Variants in MUSK observed in about 807,000 individuals in gnomAD.
MUSK encodes the protein muscle associated receptor tyrosine kinase.
Under a neutral mutation model 88.7 loss-of-function variants are expected in MUSK, and 55 were observed. The observed-to-expected ratio is 0.62, with a 90% CI of 0.50 to 0.78. The LOEUF is 0.78. Among genes scored for constraint, MUSK ranks in the 30% least tolerant of loss-of-function variants. The pLI, the probability that MUSK is intolerant of heterozygous loss-of-function variation, is 0.00. For missense variants in MUSK, 1,015 were observed against 1,074.3 expected (o/e 0.94, Z 0.77); for synonymous variants, 387 against 391.9 (o/e 0.99, Z 0.15).
At chr9:110,755,979 C>CATATATATAT (rs61338385) in intron 7 of MUSK, among the ~76,000 whole-genome samples, 1 of 102,518 alleles carries the variant, frequency 9.8e-6, no homozygotes, top group Non-Finnish European at 2.0e-5. Context: ...TATATATATA[C>CATATATATAT]ATATATATAT....
chr9:110,798,540 T>A (rs972375589), intron 14 of MUSK, among the ~76,000 whole-genome samples: 55 of 152,146 alleles, frequency 3.6e-4, no homozygotes, highest in Non-Finnish European at 6.5e-4. Flanking sequence ...AGGCATGAGG[T>A]TTTCTTATGC....
chr9:110,755,440 C>T (rs34115436), intron 7 of MUSK, among the ~76,000 whole-genome samples: 110,328 of 152,008 alleles, frequency 0.73, 40,489 homozygotes, highest in Non-Finnish European at 0.78. Context: ...CAATTTAAAC[C>T]TGACAGGTAC....
Position 110,697,332 on chromosome 9 carries a change from C to T in MUSK, c.494C>T (p.Ser165Phe), listed in dbSNP as rs1349731741. 1 of 1,612,130 alleles carries T rather than the reference C, an allele frequency of 6.2e-7. No individual in the cohort carries two copies. The highest frequency in any genetic ancestry group is 2.2e-5 in the East Asian group (1 of 44,822). Residue 165 changes from serine (S) to phenylalanine (F), a missense_variant, in exon 5 of 15, where the codon TCC becomes TTC. By Grantham distance (155) the Ser-to-Phe change is radical. Transcript: ENST00000374448. Reference protein sequence around the residue: ...IKGDSPLRENSRIAVLESGSL... With the variant: ...IKGDSPLRENFRIAVLESGSL... ...CGTCCCTATCTCTGGCAGGAAAATTCCCGAATTGCAGTTCTTGAATCTGGG... is the reference window on the plus strand; with the variant it reads ...CGTCCCTATCTCTGGCAGGAAAATTTCCGAATTGCAGTTCTTGAATCTGGG...
At chr9:110,779,241 G>A (rs1452497309) in intron 11 of MUSK, among the ~76,000 whole-genome samples, 1 of 152,042 alleles carries the variant, frequency 6.6e-6, no homozygotes, top group Non-Finnish European at 1.5e-5. Context: ...CTTTTCTAGA[G>A]CATCTCTGAC....
intron 7 of MUSK, among the ~76,000 whole-genome samples, chr9:110,755,981 T>TATATATAC (rs2077316726): frequency 9.2e-6 from 1 of 108,112 alleles, no homozygotes; most frequent in African/African-American, 3.3e-5. Context: ...TATATATACA[T>TATATATAC]ATATATATAT....
At chr9:110,745,274 GTGTT>G (rs2077160477) in intron 6 of MUSK, among the ~76,000 whole-genome samples, 1 of 152,152 alleles carries the variant, frequency 6.6e-6, no homozygotes, top group South Asian at 2.1e-4. Flanking sequence ...CCTTGAGGAG[GTGTT>G]TAAGAATGAC....
At chr9:110,678,652 C>T (rs1471417878) in intron 1 of MUSK, among the ~76,000 whole-genome samples, 2 of 151,940 alleles carry the variant, frequency 1.3e-5, no homozygotes, top group South Asian at 2.1e-4. Flanking sequence ...TTTAGATTTT[C>T]ATCTTTAAAT....
At chr9:110,726,762 T>TTTTGC (rs2076889833) in intron 5 of MUSK, among the ~76,000 whole-genome samples, 1 of 151,920 alleles carries the variant, frequency 6.6e-6, no homozygotes, top group Non-Finnish European at 1.5e-5. Context: ...TTTTGTTTTG[T>TTTTGC]TTTGTTTGTT....
chr9:110,787,637 A>G, intron 13 of MUSK, 53 bp from the exon 14 acceptor site: 1 of 1,583,336 alleles, frequency 6.3e-7, no homozygotes, highest in South Asian at 1.1e-5. Flanking sequence ...GGTAGGTATA[A>G]AGATATGATG....
chr9:110,767,512 TAGTC>T (rs2077502979), intron 8 of MUSK, among the ~76,000 whole-genome samples: 1 of 152,090 alleles, frequency 6.6e-6, no homozygotes, highest in African/African-American at 2.4e-5. Context: ...TAACTAAGAG[TAGTC>T]AGATTCTATT....
At chr9:110,732,309 A>T (rs1040749568) in intron 5 of MUSK, among the ~76,000 whole-genome samples, 6 of 152,072 alleles carry the variant, frequency 3.9e-5, no homozygotes, top group African/African-American at 1.2e-4. Flanking sequence ...TTTTAGCCAG[A>T]TGATGCACAT....
At chr9:110,695,817 AT>A (rs1004606243) in intron 4 of MUSK, among the ~76,000 whole-genome samples, 1 of 151,110 alleles carries the variant, frequency 6.6e-6, no homozygotes, top group Non-Finnish European at 1.5e-5. Flanking sequence ...TAAATCATTT[AT>A]TTTTTTTTAA....
At chr9:110,772,874 T>C (rs1211649188) in intron 9 of MUSK, among the ~76,000 whole-genome samples, 2 of 152,132 alleles carry the variant, frequency 1.3e-5, no homozygotes, top group Non-Finnish European at 2.9e-5. Flanking sequence ...ATCAAACTAG[T>C]TCAGAAGTTG....
intron 6 of MUSK, among the ~76,000 whole-genome samples, chr9:110,740,603 A>G (rs994417393): frequency 6.6e-6 from 1 of 152,170 alleles, no homozygotes; most frequent in Non-Finnish European, 1.5e-5. Flanking sequence ...AAACTAAAAA[A>G]CAGATAGCCT....
intron 3 of MUSK, among the ~76,000 whole-genome samples, chr9:110,689,788 T>A (rs1380734403): frequency 1.9e-5 from 1 of 53,680 alleles, no homozygotes; most frequent in African/African-American, 6.3e-5. Flanking sequence ...AGTTTATATA[T>A]TTTTTAATAT....
intron 5 of MUSK, among the ~76,000 whole-genome samples, chr9:110,703,274 C>T (rs1371879178): frequency 3.3e-5 from 5 of 152,138 alleles, no homozygotes; most frequent in African/African-American, 1.2e-4. Context: ...CAGTGACTCA[C>T]GCCTGTAATC....
rs1166674533 is a variant in MUSK at position 110,790,533 on chromosome 9, C to T, written c.1927+2695C>T. Among the ~76,000 whole-genome samples the T allele has an allele frequency of 2.0e-5, 3 of 152,244 alleles. 1 individual carries two copies. The highest frequency in any genetic ancestry group is 6.8e-3 in the Middle Eastern group (2 of 294). ...AGTGAGAGGGAATGGAATCTTGGCA[C>T]TGTTGGATGGATTGGCCTTTGTAAA... On this transcript the variant is annotated intron_variant, in intron 14 of 14. Coordinates refer to ENST00000374448, the MANE Select transcript of MUSK (RefSeq NM_005592.4).
At chr9:110,780,500 T>C (rs1564287785) in intron 11 of MUSK, among the ~76,000 whole-genome samples, 1 of 152,258 alleles carries the variant, frequency 6.6e-6, no homozygotes, top group Non-Finnish European at 1.5e-5. Context: ...ATTCAATTGT[T>C]ATTAAGAGTC....
chr9:110,791,492 G>A (rs1250377202), intron 14 of MUSK, among the ~76,000 whole-genome samples: 1 of 46,590 alleles, frequency 2.1e-5, no homozygotes, highest in Non-Finnish European at 4.7e-5. Context: ...TGCTAGCACA[G>A]CAGTCTGAGA....
Sources: gnomAD v4.1 joint callset for allele counts (sites outside exome capture counted in the v4.1 genomes callset) on GRCh38, gnomAD v4.1.1 for gene constraint, MANE v1.5 for transcripts, NCBI Gene and HGNC (gene_info 2026-07-23, HGNC 2026-07-21) for gene names.